The following CSMD1 variants were observed in gnomAD, a reference collection of about 807,000 sequenced individuals.
The protein encoded by CSMD1 is CUB and Sushi multiple domains 1.
Under a neutral mutation model 417.5 loss-of-function variants are expected in CSMD1, and 213 were observed. The ratio of observed to expected loss-of-function variants is 0.51; its 90% CI spans 0.46 to 0.57. The LOEUF (loss-of-function observed/expected upper bound fraction) is 0.57, where lower values mean the gene tolerates loss of function less well. Among genes scored for constraint, CSMD1 ranks in the 20% least tolerant of loss-of-function variants. CSMD1 has a pLI of 0.00. For missense variants in CSMD1, 6,923 were observed against 4,529.7 expected (o/e 1.53, Z -15.17); for synonymous variants, 2,862 against 1,736.8 (o/e 1.65, Z -16.11).
In CSMD1 at chr8:4,032,055, C is replaced by G. The variant is rs1797375953; in HGVS notation, c.460G>C (p.Gly154Arg). 1 of 1,613,414 alleles carries G rather than the reference C, an allele frequency of 6.2e-7. No individual in the cohort carries two copies. Among genetic ancestry groups the G allele is most frequent in the African/African-American group, 1.3e-5 (1 of 74,906 alleles). ...TTGAATCTCGTTCCATGCAGAACTC[C>G]TTTCAGGATTTCTCCAGGATTTCCA... Reference protein sequence around the residue: ...TCGNPGEILKGVLHGTRFNIG... With the variant: ...TCGNPGEILKRVLHGTRFNIG... Residue 154 changes from glycine to arginine, a missense_variant, in exon 4 of 70, where the codon GGA becomes CGA. By Grantham distance (125) the Gly-to-Arg change is moderately radical. Transcript: ENST00000635120.
Position 3,496,288 on chromosome 8 carries a change from C to A in CSMD1, c.1345-2562G>T, listed in dbSNP as rs1006736650. 2.6e-5 allele frequency among the ~76,000 whole-genome samples: 4 copies of A among 152,304 alleles called. No homozygotes were observed. The East Asian group carries it at 7.8e-4, about 30-fold the overall frequency. On this transcript the variant is annotated intron_variant, in intron 10 of 69. Coordinates refer to ENST00000635120, the MANE Select transcript of CSMD1 (RefSeq NM_033225.6). ...AAAATCCTGCCTATCCCCTTCATAA[C>A]ATTCCCTGTGTTGGCAGTTTTGGTT...
intron 4 of CSMD1, among the ~76,000 whole-genome samples, chr8:4,026,735 G>T (rs764139908): frequency 1.3e-5 from 2 of 152,152 alleles, no homozygotes; most frequent in Non-Finnish European, 2.9e-5. Flanking sequence ...TTTCCTTAAA[G>T]AAACTGTAAT....
chr8:4,268,503 G>A (rs1233646462), intron 3 of CSMD1, among the ~76,000 whole-genome samples: 2 of 152,122 alleles, frequency 1.3e-5, no homozygotes, highest in Non-Finnish European at 2.9e-5. Flanking sequence ...GTAGTATTTA[G>A]AGAAACAAGT....
chr8:3,223,960 A>C lies in CSMD1; in HGVS notation c.4346-93T>G, dbSNP rs576070607. ...AGGAGACACCACAGAATTCTTTAAG[A>C]AAAAGACATCAGCATTTTTACCAGT... On this transcript the variant is annotated intron_variant, in intron 27 of 69. Transcript: ENST00000635120. The C allele has an allele frequency of 2.4e-6, 3 of 1,273,894 alleles. No homozygotes were observed. The South Asian group carries it at 4.2e-5, about 18-fold the overall frequency. The allele number at this position is 1,273,894 out of a possible 1,614,324, so 78.9% of individuals were successfully genotyped here.
At position 4,251,747 on chromosome 8, in the gene CSMD1, C is replaced by G. The variant is rs192176994; in HGVS notation, c.415+168206G>C. 1.4e-3 allele frequency among the ~76,000 whole-genome samples: 209 copies of G among 151,930 alleles called. 2 individuals carry two copies. Among genetic ancestry groups the G allele is most frequent in the African/African-American group, 4.8e-3 (199 of 41,408 alleles). On this transcript the variant is annotated intron_variant, in intron 3 of 69. Transcript: ENST00000635120. ...TGATGAGACGTCACAGTTGTGACAT[C>G]TCACAAGTGTGTGTGAGAGTGATGC...
At chr8:4,206,457 T>C (rs940469066) in intron 3 of CSMD1, among the ~76,000 whole-genome samples, 9 of 152,310 alleles carry the variant, frequency 5.9e-5, no homozygotes, top group East Asian at 1.9e-4. Context: ...GTCCTTGTGA[T>C]AGTTTGCTCA....
At chr8:4,606,082 C>A (rs1030348320) in intron 2 of CSMD1, among the ~76,000 whole-genome samples, 15 of 152,056 alleles carry the variant, frequency 9.9e-5, no homozygotes, top group Non-Finnish European at 1.9e-4. Flanking sequence ...TGGTGGGAGG[C>A]TATATCTCAC....
chr8:3,111,838 A>G lies in CSMD1; in HGVS notation c.6431-1503T>C, dbSNP rs116009370. 1.3e-3 allele frequency among the ~76,000 whole-genome samples: 193 copies of G among 152,040 alleles called. 3 individuals carry two copies. Among genetic ancestry groups the G allele is most frequent in the African/African-American group, 4.2e-3 (175 of 41,480 alleles). ...CAGAGTCTCTGTCTCTAAAAATAAT[A>G]ATAATAATAATGGGACCATAAACCA... On this transcript the variant is annotated intron_variant, in intron 42 of 69. Transcript: ENST00000635120.
intron 1 of CSMD1, among the ~76,000 whole-genome samples, chr8:4,780,540 C>A (rs1406773017): frequency 6.6e-6 from 1 of 151,936 alleles, no homozygotes. Flanking sequence ...TGTTTTGTGC[C>A]CAAGGTCCTA....
intron 3 of CSMD1, among the ~76,000 whole-genome samples, chr8:4,133,656 T>G (rs1038174262): frequency 6.6e-6 from 1 of 151,996 alleles, no homozygotes; most frequent in East Asian, 1.9e-4. Flanking sequence ...AAAATCTCCA[T>G]GTAAGTGTAG....
rs1585151347 is a variant in CSMD1 at position 4,818,050 on chromosome 8, A to G, written c.85+176282T>C. ...TCACAGTGACCAGCACTTTTTATAT[A>G]TGAATTGCAAGGTAACCAACTCAGG... On this transcript the variant is annotated intron_variant, in intron 1 of 69. Transcript: ENST00000635120. Among the ~76,000 whole-genome samples the G allele has an allele frequency of 2.0e-5, 3 of 152,308 alleles. No individual in the cohort carries two copies. The South Asian group carries it at 6.2e-4, about 32-fold the overall frequency.
At chr8:4,619,534 G>T (rs926777199) in intron 2 of CSMD1, among the ~76,000 whole-genome samples, 3 of 152,128 alleles carry the variant, frequency 2.0e-5, no homozygotes, top group Non-Finnish European at 4.4e-5. Flanking sequence ...CAAACGTTTT[G>T]CTAAGCTCTA....
intron 21 of CSMD1, among the ~76,000 whole-genome samples, chr8:3,358,153 T>C (rs1808920040): frequency 6.6e-6 from 1 of 152,214 alleles, no homozygotes; most frequent in African/African-American, 2.4e-5. Context: ...TGTTAAATTT[T>C]ATCTTCAGAC....
chr8:4,253,156 T>G (rs566590588), intron 3 of CSMD1, among the ~76,000 whole-genome samples: 1 of 152,276 alleles, frequency 6.6e-6, no homozygotes, highest in African/African-American at 2.4e-5. Context: ...AACGATAAAC[T>G]CATTAGGAAA....
intron 1 of CSMD1, among the ~76,000 whole-genome samples, chr8:4,727,095 G>C (rs908215983): frequency 6.6e-6 from 1 of 152,116 alleles, no homozygotes; most frequent in Non-Finnish European, 1.5e-5. Context: ...GCTGAGTAGG[G>C]TGAGGAAGCT....
chr8:3,528,986 C>A (rs891247050), intron 10 of CSMD1, among the ~76,000 whole-genome samples: 6 of 152,278 alleles, frequency 3.9e-5, no homozygotes, highest in African/African-American at 7.2e-5. Context: ...TACATTTATA[C>A]TGACATATTT....
chr8:4,763,364 G>T (rs1002479030), intron 1 of CSMD1, among the ~76,000 whole-genome samples: 2 of 152,174 alleles, frequency 1.3e-5, no homozygotes, highest in African/African-American at 4.8e-5. Flanking sequence ...TGCATTCACA[G>T]TCCTTCCTGT....
chr8:2,944,264 A>C (rs894636948), intron 68 of CSMD1, among the ~76,000 whole-genome samples: 1 of 152,164 alleles, frequency 6.6e-6, no homozygotes, highest in Non-Finnish European at 1.5e-5. Context: ...AGGGACGCAA[A>C]ACATTCTGAG....
chr8:4,472,231 C>T lies in CSMD1; in HGVS notation c.303-52166G>A, dbSNP rs908207136. Among the ~76,000 whole-genome samples, 5 of 152,088 alleles carry T rather than the reference C, an allele frequency of 3.3e-5. No homozygotes were observed. In the South Asian group the frequency reaches 1.0e-3, roughly 32 times the overall value. On this transcript the variant is annotated intron_variant, in intron 2 of 69. Transcript: ENST00000635120. The stretch of plus-strand genomic sequence containing the variant: ...GAAATCTCAAAAATTATTTTAAAAT[C>T]GAATAGTTCTTACACTTTTGCACAG...
Sources: allele counts gnomAD v4.1 joint callset (sites outside exome capture counted in the v4.1 genomes callset), GRCh38; gene constraint gnomAD v4.1.1; transcripts MANE v1.5; gene names NCBI Gene and HGNC (gene_info 2026-07-23, HGNC 2026-07-21).